Variants in ARHGAP8 observed in about 807,000 individuals in gnomAD.
The protein encoded by ARHGAP8 is rho GTPase-activating protein 8.
ARHGAP8 carries 62 observed loss-of-function variants against 46.1 expected under a neutral mutation model. The observed-to-expected ratio is 1.34, with a 90% CI of 1.10 to 1.66. The LOEUF (loss-of-function observed/expected upper bound fraction) is 1.66, where lower values mean the gene tolerates loss of function less well. Among genes scored for constraint, ARHGAP8 ranks in the 40% most tolerant of loss-of-function variants. The pLI is 0.00. For missense variants in ARHGAP8, 923 were observed against 568.4 expected, an observed-to-expected ratio of 1.62 and a Z score of -6.34; for synonymous variants, 375 against 243.1, an observed-to-expected ratio of 1.54 and a Z score of -5.05.
In ARHGAP8 at chr22:44,754,389, CTT is replaced by C. The variant is rs1924504089; in HGVS notation, c.-72+1763_-72+1764del. Among the ~76,000 whole-genome samples, 3 of 143,656 alleles carry C rather than the reference CTT, an allele frequency of 2.1e-5. No homozygotes were observed. The South Asian group carries it at 7.2e-4, about 34-fold the overall frequency. 94.2% of individuals were successfully genotyped at this position (143,656 alleles called of 152,430 possible). On this transcript the variant is annotated intron_variant, in intron 1 of 11. Transcript: ENST00000356099. ...GTGTGTGTGTGACGCAGTTTTCGCTCTTGTCGCCCAGGCTGGAGTGCAATGGC... is the reference window on the plus strand; with the variant it reads ...GTGTGTGTGTGACGCAGTTTTCGCTCGTCGCCCAGGCTGGAGTGCAATGGC...
intron 1 of ARHGAP8, among the ~76,000 whole-genome samples, chr22:44,754,213 T>C (rs6006873): frequency 0.22 from 32,782 of 151,834 alleles, 3,971 homozygotes; most frequent in South Asian, 0.45. Flanking sequence ...GGGAGGTGGA[T>C]GGGGAAGAGA....
chr22:44,859,548 CA>C (rs1340353819), intron 10 of ARHGAP8, 182 bp from the exon 11 acceptor site: 5 of 624,850 alleles, frequency 8.0e-6, no homozygotes, highest in Non-Finnish European at 1.4e-5. Context: ...CAAGAATAGC[CA>C]AACACACAGG....
At chr22:44,784,325 A>T (rs1927057756) in intron 1 of ARHGAP8, among the ~76,000 whole-genome samples, 2 of 152,120 alleles carry the variant, frequency 1.3e-5, no homozygotes, top group African/African-American at 4.8e-5. Flanking sequence ...AATTGCTTGA[A>T]TCCAGGTGGT....
chr22:44,784,417 C>CAA (rs1265908494), intron 1 of ARHGAP8, among the ~76,000 whole-genome samples: 1 of 152,066 alleles, frequency 6.6e-6, no homozygotes, highest in Admixed American at 6.6e-5. Context: ...CAAAACAAAA[C>CAA]AACAACAAAC....
At chr22:44,774,053 C>A (rs1468066703) in intron 1 of ARHGAP8, among the ~76,000 whole-genome samples, 1 of 152,196 alleles carries the variant, frequency 6.6e-6, no homozygotes, top group African/African-American at 2.4e-5. Context: ...ATTTTATAAA[C>A]TAAGAAATGG....
At chr22:44,824,789 T>C (rs952469868) in intron 6 of ARHGAP8, among the ~76,000 whole-genome samples, 4 of 151,964 alleles carry the variant, frequency 2.6e-5, no homozygotes, top group Admixed American at 2.6e-4. Context: ...TGCACAACCA[T>C]GCCCAGCTAA....
intron 4 of ARHGAP8, among the ~76,000 whole-genome samples, chr22:44,812,360 TTC>T (rs1216725132): frequency 4.0e-5 from 6 of 149,112 alleles, no homozygotes; most frequent in Non-Finnish European, 5.9e-5. Flanking sequence ...TTTTTTTGCT[TTC>T]TGTTTTTTTT....
intron 10 of ARHGAP8, among the ~76,000 whole-genome samples, chr22:44,858,059 A>G (rs2070285440): frequency 6.6e-6 from 1 of 152,216 alleles, no homozygotes; most frequent in Non-Finnish European, 1.5e-5. Flanking sequence ...TGAAATACTC[A>G]TTTCAAGGGA....
intron 1 of ARHGAP8, chr22:44,777,336 C>A (rs1054783089): frequency 6.6e-6 from 1 of 151,998 alleles, no homozygotes; most frequent in African/African-American, 2.4e-5. Flanking sequence ...TTTCTCCCAA[C>A]ACTTTTTAAA....
intron 10 of ARHGAP8, among the ~76,000 whole-genome samples, chr22:44,858,831 A>G (rs141052300): frequency 0.035 from 5,291 of 150,820 alleles, 322 homozygotes; most frequent in African/African-American, 0.12. Context: ...TGTGGTGCTG[A>G]GAATCCTGAG....
chr22:44,811,013 C>T (rs773404974), intron 4 of ARHGAP8, among the ~76,000 whole-genome samples: 1 of 152,180 alleles, frequency 6.6e-6, no homozygotes, highest in East Asian at 1.9e-4. Context: ...CACTTCCCCA[C>T]GTGAGAAACG....
At chr22:44,778,669 C>T (rs976168918) in intron 1 of ARHGAP8, among the ~76,000 whole-genome samples, 2 of 152,216 alleles carry the variant, frequency 1.3e-5, no homozygotes, top group African/African-American at 4.8e-5. Flanking sequence ...TCCCTGTTCA[C>T]CGCAGCCACG....
intron 2 of ARHGAP8, among the ~76,000 whole-genome samples, chr22:44,797,195 C>T (rs1220895136): frequency 6.7e-6 from 1 of 150,302 alleles, no homozygotes; most frequent in African/African-American, 2.5e-5. Context: ...GGTCTGATTC[C>T]AGACATGATA....
chr22:44,779,280 T>C (rs181975435), intron 1 of ARHGAP8, among the ~76,000 whole-genome samples: 1 of 151,932 alleles, frequency 6.6e-6, no homozygotes, highest in South Asian at 2.1e-4. Flanking sequence ...TTTGTATTTT[T>C]AGTAGAGATG....
rs539806499 is a variant in ARHGAP8, at chr22:44,855,963, C to T, written c.878-3768C>T. ...GGCCTCAGGAAGCTTTCAATTATGACGGAGGGCAAAGGAGGAGCAGGTGTC... is the reference window on the plus strand; with the variant it reads ...GGCCTCAGGAAGCTTTCAATTATGATGGAGGGCAAAGGAGGAGCAGGTGTC... On this transcript the variant is annotated intron_variant, in intron 10 of 11. Coordinates refer to ENST00000356099, the MANE Select transcript of ARHGAP8 (RefSeq NM_181335.3). Among the ~76,000 whole-genome samples, 42 of 152,232 alleles carry T rather than the reference C, an allele frequency of 2.8e-4. No homozygotes were observed. In the East Asian group the frequency reaches 4.8e-3, roughly 18 times the overall value.
rs148238203 is a variant in ARHGAP8 at position 44,859,147 on chromosome 22, G to C, written c.878-584G>C. Among the ~76,000 whole-genome samples, 516 of 152,314 alleles carry C rather than the reference G, an allele frequency of 3.4e-3. 5 individuals are homozygous for C. Among genetic ancestry groups the C allele is most frequent in the African/African-American group, 0.012 (494 of 41,556 alleles). On this transcript the variant is annotated intron_variant, in intron 10 of 11. Transcript: ENST00000356099. ...TTCCTGGAAGGTGGTGCTGCTGGCT[G>C]ATAAAGCAGAGGGATGGAGCTTGTA...
intron 7 of ARHGAP8, 146 bp from the exon 8 acceptor site, chr22:44,845,123 C>T (rs2069921365): frequency 2.2e-6 from 2 of 901,146 alleles, no homozygotes; most frequent in East Asian, 2.7e-5. Flanking sequence ...TTTCTACTTC[C>T]TGAGGGCTGA....
At chr22:44,855,081 C>T (rs1485579545) in intron 10 of ARHGAP8, among the ~76,000 whole-genome samples, 1 of 152,192 alleles carries the variant, frequency 6.6e-6, no homozygotes, top group African/African-American at 2.4e-5. Flanking sequence ...TATAAATGCT[C>T]ATGTATCTCT....
intron 1 of ARHGAP8, among the ~76,000 whole-genome samples, chr22:44,770,719 T>C (rs181465479): frequency 2.6e-5 from 4 of 152,348 alleles, no homozygotes; most frequent in Admixed American, 1.3e-4. Flanking sequence ...TCTTGGGTTC[T>C]ACAGTAGTGA....
Sources: allele counts gnomAD v4.1 joint callset (sites outside exome capture counted in the v4.1 genomes callset), GRCh38; gene constraint gnomAD v4.1.1; transcripts MANE v1.5; gene names NCBI Gene and HGNC (gene_info 2026-07-23, HGNC 2026-07-21).